TMEM178B: variants seen among roughly 807,000 people sequenced by gnomAD.
TMEM178B encodes the protein transmembrane protein 178B.
TMEM178B carries 5 observed loss-of-function variants against 31.0 expected under a neutral mutation model. The observed-to-expected ratio is 0.16, with a 90% CI of 0.08 to 0.34. The LOEUF (loss-of-function observed/expected upper bound fraction) is 0.34, where lower values mean the gene tolerates loss of function less well. Ranked by LOEUF, TMEM178B falls within the 10% of genes least tolerant of loss-of-function variation. TMEM178B has a pLI of 1.00. For missense variants in TMEM178B, 275 were observed against 400.3 expected (o/e 0.69, Z 2.67); for synonymous variants, 164 against 164.0 (o/e 1.00, Z 0.00).
intron 1 of TMEM178B, among the ~76,000 whole-genome samples, chr7:141,160,408 T>A (rs1482426722): frequency 6.6e-6 from 1 of 152,156 alleles, no homozygotes; most frequent in Non-Finnish European, 1.5e-5. Flanking sequence ...GGCCTGAGCA[T>A]CTCCTCCCAG....
At chr7:141,117,450 C>T (rs1428811331) in intron 1 of TMEM178B, among the ~76,000 whole-genome samples, 1 of 152,072 alleles carries the variant, frequency 6.6e-6, no homozygotes, top group Non-Finnish European at 1.5e-5. Flanking sequence ...TTCTCCCATT[C>T]TGTAGGTTGC....
Position 141,214,898 on chromosome 7 carries a change from G to A in TMEM178B, c.496+2194G>A, listed in dbSNP as rs185966935. 1.6e-4 allele frequency among the ~76,000 whole-genome samples: 25 copies of A among 152,222 alleles called. 1 individual carries two copies. The East Asian group carries it at 4.8e-3, about 29-fold the overall frequency. On this transcript the variant is annotated intron_variant, in intron 2 of 3. Coordinates refer to ENST00000565468, the MANE Select transcript of TMEM178B (RefSeq NM_001195278.2). ...GGCACTTGGTGTGGGTGAAGTTGAG[G>A]CCACCTTTTGGTGAGGGATTCATCT...
At chr7:141,083,805 A>G (rs749742359) in intron 1 of TMEM178B, among the ~76,000 whole-genome samples, 6 of 152,168 alleles carry the variant, frequency 3.9e-5, no homozygotes, top group Non-Finnish European at 7.4e-5. Flanking sequence ...ACATTTAAAC[A>G]CTCAATAGAG....
At chr7:141,269,357 C>T (rs1798144628) in intron 2 of TMEM178B, among the ~76,000 whole-genome samples, 1 of 152,094 alleles carries the variant, frequency 6.6e-6, no homozygotes, top group Non-Finnish European at 1.5e-5. Context: ...TCCCAAAGTG[C>T]TTTCTGGGAC....
intron 1 of TMEM178B, among the ~76,000 whole-genome samples, chr7:141,153,712 G>T (rs184972408): frequency 6.6e-6 from 1 of 151,978 alleles, no homozygotes; most frequent in South Asian, 2.1e-4. Context: ...ATATGTATTG[G>T]TCACTTGTTT....
intron 1 of TMEM178B, among the ~76,000 whole-genome samples, chr7:141,095,826 T>C (rs576965198): frequency 6.6e-6 from 1 of 152,332 alleles, no homozygotes; most frequent in Non-Finnish European, 1.5e-5. Context: ...CATTGCCTTT[T>C]CCAGTGATCT....
chr7:141,388,759 G>A (rs1456992879), intron 2 of TMEM178B, among the ~76,000 whole-genome samples: 1 of 152,234 alleles, frequency 6.6e-6, no homozygotes, highest in Non-Finnish European at 1.5e-5. Context: ...GATGCTGGAT[G>A]TTTTATACAC....
At chr7:141,166,395 A>G (rs1171224119) in intron 1 of TMEM178B, among the ~76,000 whole-genome samples, 1 of 152,228 alleles carries the variant, frequency 6.6e-6, no homozygotes, top group Non-Finnish European at 1.5e-5. Flanking sequence ...TGAGTAGTTC[A>G]CACCAGCGTG....
intron 2 of TMEM178B, among the ~76,000 whole-genome samples, chr7:141,265,498 A>G (rs193033623): frequency 6.6e-6 from 1 of 152,330 alleles, no homozygotes; most frequent in African/African-American, 2.4e-5. Flanking sequence ...CAGATTAAGA[A>G]TATAAAAAAC....
intron 2 of TMEM178B, among the ~76,000 whole-genome samples, chr7:141,237,691 TAAC>T (rs1444785673): frequency 6.6e-6 from 1 of 152,128 alleles, no homozygotes; most frequent in Non-Finnish European, 1.5e-5. Context: ...AGTAAAATAA[TAAC>T]AACCACCACC....
the TMEM178B span, among the ~76,000 whole-genome samples, chr7:141,507,840 AG>A: frequency 6.6e-6 from 1 of 152,202 alleles, no homozygotes; most frequent in Non-Finnish European, 1.5e-5. Context: ...GGTTGCACAC[AG>A]CACAGGCACA....
At chr7:141,266,184 T>C (rs1393603731) in intron 2 of TMEM178B, among the ~76,000 whole-genome samples, 1 of 152,224 alleles carries the variant, frequency 6.6e-6, no homozygotes, top group African/African-American at 2.4e-5. Flanking sequence ...CTCCAAAGCC[T>C]TGAGCAGCCC....
At chr7:141,480,709 C>T (rs578048401), downstream of TMEM178B, among the ~76,000 whole-genome samples, 22 of 152,312 alleles carry the variant, frequency 1.4e-4, no homozygotes, top group African/African-American at 5.3e-4. Flanking sequence ...GCTGGAATGA[C>T]TAATTACATT....
chr7:141,433,062 T>C (rs1160504468), intron 2 of TMEM178B, among the ~76,000 whole-genome samples: 1 of 152,162 alleles, frequency 6.6e-6, no homozygotes, highest in Non-Finnish European at 1.5e-5. Flanking sequence ...AGTCCGTAAC[T>C]CCATCAGGGT....
chr7:141,502,600 G>A, the TMEM178B span, among the ~76,000 whole-genome samples: 11 of 152,200 alleles, frequency 7.2e-5, no homozygotes, highest in African/African-American at 1.7e-4. Context: ...AAGAAACCCC[G>A]TATCTACTAA....
At chr7:141,348,409 G>T (rs951574735) in intron 2 of TMEM178B, among the ~76,000 whole-genome samples, 2 of 152,218 alleles carry the variant, frequency 1.3e-5, no homozygotes, top group African/African-American at 2.4e-5. Flanking sequence ...GAGAAGCAGC[G>T]TGGTGAGGAG....
At chr7:141,379,149 G>T (rs183543526) in intron 2 of TMEM178B, among the ~76,000 whole-genome samples, 1 of 152,242 alleles carries the variant, frequency 6.6e-6, no homozygotes, top group East Asian at 1.9e-4. Context: ...CCAGTTAACA[G>T]AGTGTTCTGG....
At chr7:141,438,207 C>A (rs576491506) in intron 3 of TMEM178B, among the ~76,000 whole-genome samples, 2 of 152,202 alleles carry the variant, frequency 1.3e-5, no homozygotes, top group East Asian at 1.9e-4. Context: ...AAGCTGCCCC[C>A]CTTTCAAGTA....
At chr7:141,247,109 C>T (rs1029271271) in intron 2 of TMEM178B, among the ~76,000 whole-genome samples, 5 of 151,626 alleles carry the variant, frequency 3.3e-5, no homozygotes, top group African/African-American at 4.8e-5. Flanking sequence ...ATAAATCTTT[C>T]GCTCTCTCTT....
Sources: allele counts gnomAD v4.1 joint callset (sites outside exome capture counted in the v4.1 genomes callset), GRCh38; gene constraint gnomAD v4.1.1; transcripts MANE v1.5; gene names NCBI Gene and HGNC (gene_info 2026-07-23, HGNC 2026-07-21).